The following PNLIP variants were observed in gnomAD, a reference collection of about 807,000 sequenced individuals.
PNLIP encodes pancreatic lipase.
PNLIP carries 49 observed loss-of-function variants against 57.1 expected under a neutral mutation model. The observed-to-expected ratio is 0.86, with a 90% confidence interval of 0.68 to 1.09. The LOEUF is 1.09. Ranked by LOEUF, PNLIP falls within the 50% of genes least tolerant of loss-of-function variation. The pLI is 0.00. For synonymous variants in PNLIP, 209 were observed against 200.4 expected, an observed-to-expected ratio of 1.04 and a Z score of -0.36; for missense variants, 503 against 570.2, an observed-to-expected ratio of 0.88 and a Z score of 1.20.
chr10:116,553,370 G>T (rs984674267), intron 5 of PNLIP, among the ~76,000 whole-genome samples: 4 of 152,230 alleles, frequency 2.6e-5, no homozygotes, highest in African/African-American at 4.8e-5. Context: ...CCCCCAAAGT[G>T]CTGGGATTAC....
intron 6 of PNLIP, 22 bp from the exon 7 acceptor site, chr10:116,555,156 T>C: frequency 6.2e-7 from 1 of 1,613,846 alleles, no homozygotes; most frequent in South Asian, 1.1e-5. Context: ...TCATAATTCA[T>C]GAAACATACT....
Position 116,557,470 on chromosome 10 carries a change from T to C in PNLIP, c.930+1352T>C, listed in dbSNP as rs75354245. On this transcript the variant is annotated intron_variant, in intron 9 of 12. Coordinates refer to ENST00000369221, the MANE Select transcript of PNLIP (RefSeq NM_000936.4). ...TTGGGAGTCCATGGGTGTAAAGTTT[T>C]TGGGCTCCTTTCGACTCTGGGTAAT... is the stretch of plus-strand genomic sequence containing the variant. Among the ~76,000 whole-genome samples, 801 of 152,294 alleles carry C rather than the reference T, an allele frequency of 5.3e-3. 2 individuals carry two copies. The highest frequency in any genetic ancestry group is 7.3e-3 in the Non-Finnish European group (497 of 68,012).
chr10:116,564,898 G>T (rs1231005900), intron 12 of PNLIP, among the ~76,000 whole-genome samples: 1 of 151,842 alleles, frequency 6.6e-6, no homozygotes, highest in Non-Finnish European at 1.5e-5. Context: ...ATGAAACAAA[G>T]GATAATAGCA....
intron 6 of PNLIP, among the ~76,000 whole-genome samples, chr10:116,554,780 A>G (rs1307890160): frequency 6.6e-6 from 1 of 152,172 alleles, no homozygotes; most frequent in East Asian, 1.9e-4. Flanking sequence ...TTTCTTTCCC[A>G]CAGCCTGCTC....
rs576260522 is a variant in PNLIP, at chr10:116,551,358, T to G, written c.459+126T>G. On this transcript the variant is annotated intron_variant, in intron 5 of 12. Transcript: ENST00000369221. ...ACACTTCTCTACTCAGATATGATGT[T>G]TCTCTTGGCTACAAAGAAAAATTAA... is the stretch of plus-strand genomic sequence containing the variant. The G allele has an allele frequency of 2.8e-5, 17 of 607,302 alleles. No homozygotes were observed. In the South Asian group the frequency reaches 1.1e-3, roughly 38 times the overall value. The allele number at this position is 607,302 out of a possible 1,614,324, so 37.6% of individuals were successfully genotyped here. A position where few individuals can be genotyped will look rare whatever the true frequency, so the allele number is the denominator to read the frequency against.
At chr10:116,559,770 CAG>C (rs1847293489) in intron 10 of PNLIP, among the ~76,000 whole-genome samples, 1 of 152,054 alleles carries the variant, frequency 6.6e-6, no homozygotes, top group Non-Finnish European at 1.5e-5. Context: ...TTCCAAATAA[CAG>C]AGGAATAAAA....
chr10:116,547,599 G>A (rs757466459), intron 3 of PNLIP, 151 bp downstream of exon 3: 28 of 617,734 alleles, frequency 4.5e-5, no homozygotes, highest in Middle Eastern at 7.0e-4. Context: ...GGTGGCAGGC[G>A]CCTGTAGTCC....
At chr10:116,547,572 A>T (rs1337876025) in intron 3 of PNLIP, 124 bp downstream of exon 3, 2 of 747,286 alleles carry the variant, frequency 2.7e-6, no homozygotes, top group African/African-American at 3.6e-5. Flanking sequence ...TAAAAATACA[A>T]ACAATTAGCC....
chr10:116,558,199 CT>C (rs71010092), intron 9 of PNLIP, among the ~76,000 whole-genome samples: 78,211 of 117,860 alleles, frequency 0.66, 23,556 homozygotes, highest in Middle Eastern at 0.72. Context: ...ATCTTTCTTT[CT>C]TTTTTTTTTT....
At chr10:116,547,708 A>G (rs1283024091) in intron 3 of PNLIP, among the ~76,000 whole-genome samples, 2 of 145,810 alleles carry the variant, frequency 1.4e-5, no homozygotes, top group African/African-American at 5.1e-5. Context: ...CCTGGGCGAC[A>G]CAGTGAGACT....
At chr10:116,567,602 C>T in intron 12 of PNLIP, 133 bp from the exon 13 acceptor site, 3 of 708,884 alleles carry the variant, frequency 4.2e-6, no homozygotes, top group Admixed American at 2.0e-5. Flanking sequence ...TTCCCTCAGC[C>T]ATTGTCTGGT....
At chr10:116,548,336 T>G (rs772199914) in intron 3 of PNLIP, 24 bp from the exon 4 acceptor site, 18 of 1,612,378 alleles carry the variant, frequency 1.1e-5, no homozygotes, top group Non-Finnish European at 1.5e-5. Flanking sequence ...GAAACTGACA[T>G]GAAACACTTT....
rs966517980 is a variant in PNLIP at position 116,559,166 on chromosome 10, C to T, written c.943C>T (p.Pro315Ser). 1 of 1,611,724 alleles carries T rather than the reference C, an allele frequency of 6.2e-7. No individual in the cohort carries two copies. ...TTGTTTTCACTAGAACAAGTGTTTC[C>T]CTTGTCCAAGTGGAGGCTGCCCACA... Reference protein sequence around the residue: ...YNVFTANKCFPCPSGGCPQMG... With the variant: ...YNVFTANKCFSCPSGGCPQMG... The change falls in exon 10 of 13, where the codon CCT (proline) becomes TCT (serine). Residue 315 changes from proline (P) to serine (S), a missense_variant. Physicochemically the swap from Pro to Ser is moderately conservative, Grantham distance 74 (BLOSUM62 -1). Transcript: ENST00000369221.
intron 4 of PNLIP, among the ~76,000 whole-genome samples, chr10:116,548,963 G>A (rs2133198207): frequency 6.6e-6 from 1 of 152,332 alleles, no homozygotes; most frequent in African/African-American, 2.4e-5. Context: ...TGTTTCAACA[G>A]CGGTGATCCT....
chr10:116,555,881 T>C, intron 8 of PNLIP, 119 bp from the exon 9 acceptor site: 1 of 694,602 alleles, frequency 1.4e-6, no homozygotes, highest in Non-Finnish European at 2.6e-6. Flanking sequence ...GACTTTGTTC[T>C]GTGACCTGCA....
intron 12 of PNLIP, among the ~76,000 whole-genome samples, chr10:116,565,655 T>TCAC (rs1847358819): frequency 6.6e-6 from 1 of 152,042 alleles, no homozygotes; most frequent in Non-Finnish European, 1.5e-5. Context: ...AAGTGGGATT[T>TCAC]CACCATGTTG....
intron 9 of PNLIP, 57 bp downstream of exon 9, chr10:116,556,175 GGT>G (rs1338505303): frequency 1.2e-5 from 11 of 951,136 alleles, no homozygotes; most frequent in Non-Finnish European, 1.9e-5. Context: ...TCTCATGACT[GGT>G]GTGCTTTCCT....
chr10:116,555,456 T>C lies in PNLIP; in HGVS notation c.760T>C (p.Cys254Arg), dbSNP rs750709623. The change falls in exon 8 of 13, where the codon TGT becomes CGT. Residue 254 changes from cysteine to arginine, a missense_variant. Cys to Arg is a radical substitution (Grantham distance 180). Transcript: ENST00000369221. ...AAATGGAGGAGTGGAAATGCCTGGATGTAAAAAGAACATTCTCTCTCAGAT... is the reference window on the plus strand; with the variant it reads ...AAATGGAGGAGTGGAAATGCCTGGACGTAAAAAGAACATTCTCTCTCAGAT... ...FPNGGVEMPGCKKNILSQIVD... is the reference protein window; with the variant it reads ...FPNGGVEMPGRKKNILSQIVD... 9.9e-6 allele frequency: 16 copies of C among 1,614,122 alleles called. No homozygotes were observed. The highest frequency in any genetic ancestry group is 1.4e-5 in the Non-Finnish European group (16 of 1,179,980).
intron 2 of PNLIP, among the ~76,000 whole-genome samples, chr10:116,546,981 C>G (rs1215174307): frequency 1.3e-5 from 2 of 152,190 alleles, no homozygotes; most frequent in African/African-American, 2.4e-5. Flanking sequence ...ACAGGGCTGT[C>G]CCTTTCTTGA....
Sources: gnomAD v4.1 joint callset for allele counts (sites outside exome capture counted in the v4.1 genomes callset) on GRCh38, gnomAD v4.1.1 for gene constraint, MANE v1.5 for transcripts, NCBI Gene and HGNC (gene_info 2026-07-23, HGNC 2026-07-21) for gene names.